PDE1C: variants seen among roughly 807,000 people sequenced by gnomAD.
The protein encoded by PDE1C is dual specificity calcium/calmodulin-dependent 3',5'-cyclic nucleotide phosphodiesterase 1C.
PDE1C carries 62 observed loss-of-function variants against 93.1 expected under a neutral mutation model. That is an observed-to-expected ratio of 0.67 (90% CI 0.54 to 0.82). The LOEUF (loss-of-function observed/expected upper bound fraction) is 0.82. Ranked by LOEUF, PDE1C falls within the 40% of genes least tolerant of loss-of-function variation. PDE1C has a pLI of 0.00. For synonymous variants in PDE1C, 325 were observed against 310.1 expected (o/e 1.05, Z -0.50); for missense variants, 742 against 884.6 (o/e 0.84, Z 2.04).
At chr7:31,641,167 C>T in the PDE1C span, among the ~76,000 whole-genome samples, 1 of 152,168 alleles carries the variant, frequency 6.6e-6, no homozygotes, top group African/African-American at 2.4e-5. Context: ...AGGTGAGGTC[C>T]AGCAGAGATC....
upstream of PDE1C, among the ~76,000 whole-genome samples, chr7:32,073,258 G>A (rs976951510): frequency 6.6e-6 from 1 of 152,112 alleles, no homozygotes; most frequent in African/African-American, 2.4e-5. Context: ...GCTAGATTTT[G>A]TTTCATTTGA....
At chr7:32,415,123 C>T (rs1158904502) in intron 1 of PDE1C, among the ~76,000 whole-genome samples, 1 of 152,112 alleles carries the variant, frequency 6.6e-6, no homozygotes, top group Non-Finnish European at 1.5e-5. Flanking sequence ...TCGAGATCAG[C>T]CTGGGCAACC....
the PDE1C span, among the ~76,000 whole-genome samples, chr7:31,630,741 A>T: frequency 1.3e-5 from 2 of 152,178 alleles, no homozygotes; most frequent in African/African-American, 4.8e-5. Flanking sequence ...AAGACTCAAA[A>T]GGTCATTAAG....
intron 2 of PDE1C, among the ~76,000 whole-genome samples, chr7:31,939,929 A>G (rs2128996925): frequency 1.3e-5 from 2 of 152,294 alleles, no homozygotes; most frequent in South Asian, 4.1e-4. Context: ...GCCTGGAGAA[A>G]GAGTGAGTAT....
At chr7:31,641,396 T>G in the PDE1C span, among the ~76,000 whole-genome samples, 1 of 152,106 alleles carries the variant, frequency 6.6e-6, no homozygotes, top group South Asian at 2.1e-4. Context: ...GGAGGCCACC[T>G]TGCAACCCCC....
chr7:31,691,595 G>C, the PDE1C span, among the ~76,000 whole-genome samples: 1 of 151,864 alleles, frequency 6.6e-6, no homozygotes, highest in African/African-American at 2.4e-5. Flanking sequence ...ATAACTAATA[G>C]CTCTGGAAAG....
At chr7:31,908,273 T>G (rs1800832653) in intron 2 of PDE1C, among the ~76,000 whole-genome samples, 1 of 152,234 alleles carries the variant, frequency 6.6e-6, no homozygotes, top group South Asian at 2.1e-4. Context: ...TAGTGTTTTC[T>G]TTTTTAAATT....
chr7:32,344,435 C>A (rs1783813708), intron 1 of PDE1C, among the ~76,000 whole-genome samples: 1 of 152,144 alleles, frequency 6.6e-6, no homozygotes, highest in South Asian at 2.1e-4. Flanking sequence ...CATTATCTAG[C>A]CAGATTTCCT....
chr7:31,855,767 T>C (rs1215902300), intron 7 of PDE1C, among the ~76,000 whole-genome samples: 1 of 98,928 alleles, frequency 1.0e-5, no homozygotes, highest in African/African-American at 3.8e-5. Context: ...TAAATAAAAA[T>C]AAGATATGCA....
intron 2 of PDE1C, among the ~76,000 whole-genome samples, chr7:31,994,781 C>T (rs1273409642): frequency 6.6e-6 from 1 of 152,160 alleles, no homozygotes; most frequent in Non-Finnish European, 1.5e-5. Context: ...TAGGCAAATC[C>T]AGGAAGAGTG....
intron 17 of PDE1C, among the ~76,000 whole-genome samples, chr7:31,767,880 T>A (rs1462877209): frequency 6.6e-6 from 1 of 152,166 alleles, no homozygotes; most frequent in African/African-American, 2.4e-5. Context: ...AGGTCGTTAA[T>A]CCCATTTGTG....
intron 3 of PDE1C, among the ~76,000 whole-genome samples, chr7:32,127,120 T>C (rs1799631338): frequency 6.6e-6 from 1 of 152,300 alleles, no homozygotes; most frequent in African/African-American, 2.4e-5. Flanking sequence ...TTAATTCTTT[T>C]CTACCTTTGC....
intron 2 of PDE1C, among the ~76,000 whole-genome samples, chr7:31,929,328 C>A (rs1382853767): frequency 6.6e-6 from 1 of 152,122 alleles, no homozygotes; most frequent in Non-Finnish European, 1.5e-5. Flanking sequence ...GACTCCCACA[C>A]AATAATAGTG....
Position 31,823,265 on chromosome 7 carries a change from T to A in PDE1C, c.1407-17A>T, listed in dbSNP as rs779387491. 6.3e-6 allele frequency: 10 copies of A among 1,599,352 alleles called. No individual in the cohort carries two copies. The Admixed American group carries it at 1.4e-4, about 22-fold the overall frequency. ...CTATTCAAACTGGAAAACAAAAAAA[T>A]CATACCAAAGAAGAGAGTTAGTGTT... On this transcript the variant is annotated splice_polypyrimidine_tract_variant and intron_variant, in intron 13 of 17. Transcript: ENST00000396191.
the PDE1C span, among the ~76,000 whole-genome samples, chr7:31,737,694 C>T: frequency 4.0e-5 from 6 of 149,148 alleles, no homozygotes; most frequent in South Asian, 4.3e-4. Flanking sequence ...CCCAGCTACT[C>T]GGGAGGCCAA....
the PDE1C span, among the ~76,000 whole-genome samples, chr7:31,665,661 T>C: frequency 6.6e-6 from 1 of 152,202 alleles, no homozygotes; most frequent in Admixed American, 6.6e-5. Flanking sequence ...CAAAATTAGT[T>C]TGATCTCTCC....
intron 3 of PDE1C, among the ~76,000 whole-genome samples, chr7:32,109,780 T>C (rs979831943): frequency 6.6e-6 from 1 of 152,108 alleles, no homozygotes; most frequent in Non-Finnish European, 1.5e-5. Context: ...TTCATTTCTT[T>C]TCTTTTCTTT....
intron 2 of PDE1C, among the ~76,000 whole-genome samples, chr7:32,014,529 T>A (rs1013076049): frequency 5.9e-5 from 9 of 152,284 alleles, no homozygotes; most frequent in Non-Finnish European, 8.8e-5. Flanking sequence ...CAGGTATACA[T>A]GTGCCATGGT....
intron 3 of PDE1C, among the ~76,000 whole-genome samples, chr7:32,121,654 T>G (rs1283851642): frequency 6.6e-6 from 1 of 151,372 alleles, no homozygotes; most frequent in Non-Finnish European, 1.5e-5. Context: ...GTGAAGTGAT[T>G]CCAGACAAGC....
Sources: allele counts gnomAD v4.1 joint callset (sites outside exome capture counted in the v4.1 genomes callset), GRCh38; gene constraint gnomAD v4.1.1; transcripts MANE v1.5; gene names NCBI Gene and HGNC (gene_info 2026-07-23, HGNC 2026-07-21).